CDC42BPB: variants seen among roughly 807,000 people sequenced by gnomAD.
CDC42BPB encodes the protein CDC42 binding protein kinase beta, also known as serine/threonine-protein kinase MRCK beta.
A neutral mutation model predicts 214.9 loss-of-function variants in CDC42BPB; 37 were observed. That is an observed-to-expected ratio of 0.17 (90% CI 0.13 to 0.23). The LOEUF is 0.23. Among genes scored for constraint, CDC42BPB ranks in the 10% least tolerant of loss-of-function variants. CDC42BPB has a pLI of 1.00. For missense variants in CDC42BPB, 1,694 were observed against 2,227.0 expected, an observed-to-expected ratio of 0.76 and a Z score of 4.82; for synonymous variants, 931 against 884.0, an observed-to-expected ratio of 1.05 and a Z score of -0.94.
At chr14:102,983,875 T>C in intron 6 of CDC42BPB, 119 bp from the exon 7 acceptor site, 4 of 1,459,326 alleles carry the variant, frequency 2.7e-6, no homozygotes, top group Non-Finnish European at 2.7e-6. Context: ...ATAAAACTGA[T>C]GAATGATCGT....
intron 16 of CDC42BPB, 23 bp downstream of exon 16, chr14:102,968,230 C>T (rs1432718028): frequency 1.9e-6 from 3 of 1,548,244 alleles, no homozygotes; most frequent in Non-Finnish European, 2.7e-6. Context: ...AAAGTGCTAA[C>T]TCAGGTACTT....
At chr14:102,968,783 C>A (rs1893339653) in intron 14 of CDC42BPB, 67 bp from the exon 15 acceptor site, 13 of 1,578,242 alleles carry the variant, frequency 8.2e-6, no homozygotes, top group Non-Finnish European at 1.1e-5. Context: ...GTCCTTTCAA[C>A]CCCTTTCATC....
At chr14:102,975,456 G>A (rs528291939) in intron 11 of CDC42BPB, among the ~76,000 whole-genome samples, 2 of 152,294 alleles carry the variant, frequency 1.3e-5, no homozygotes, top group East Asian at 3.9e-4. Flanking sequence ...CCAGGAGGTG[G>A]AGGTTTCAGT....
chr14:102,938,690 G>T (rs918455600), intron 34 of CDC42BPB: 1 of 389,190 alleles, frequency 2.6e-6, no homozygotes, highest in Non-Finnish European at 3.5e-6. Context: ...GTGCAATGAC[G>T]TGATCTCGGC....
At chr14:103,032,003 T>A (rs1176466599) in intron 1 of CDC42BPB, among the ~76,000 whole-genome samples, 1 of 150,892 alleles carries the variant, frequency 6.6e-6, no homozygotes, top group Non-Finnish European at 1.5e-5. Context: ...TTTTTTTTTT[T>A]AAGAAAAATG....
rs961070215 is a variant in CDC42BPB, at chr14:102,963,158, A to G, written c.2727-3T>C. 4.4e-5 allele frequency: 69 copies of G among 1,582,018 alleles called. No individual in the cohort carries two copies. Among genetic ancestry groups the G allele is most frequent in the Non-Finnish European group, 5.7e-5 (66 of 1,158,240 alleles). ...TGGCTTCGGAATCCTTTAGTTTGCT[A>G]AAATAAAAAATAAATGGCTTTAAGT... On this transcript the variant is annotated splice_region_variant and splice_polypyrimidine_tract_variant and intron_variant, in intron 19 of 36. Coordinates refer to ENST00000361246, the MANE Select transcript of CDC42BPB (RefSeq NM_006035.4).
intron 30 of CDC42BPB, among the ~76,000 whole-genome samples, chr14:102,942,412 G>A (rs765586799): frequency 4.6e-5 from 7 of 152,228 alleles, no homozygotes; most frequent in Admixed American, 6.5e-5. Context: ...GGTAACTGAG[G>A]GAGAATGTCA....
Position 103,057,153 on chromosome 14 carries a change from G to T in CDC42BPB, c.21C>A (p.Leu7=). 6.7e-7 allele frequency: 1 copy of T among 1,486,830 alleles called. No individual in the cohort carries two copies. The highest frequency in any genetic ancestry group is 1.3e-5 in the South Asian group (1 of 78,802). 92.1% of individuals were successfully genotyped at this position (1,486,830 alleles called of 1,614,324 possible). Residue 7 remains leucine (L), a synonymous_variant, in exon 1 of 37, where the codon CTC becomes CTA. Coordinates refer to ENST00000361246, the MANE Select transcript of CDC42BPB (RefSeq NM_006035.4). MSAKVR[L]KKLEQLLLDG... ...CCAGGAGCAGCTGCTCCAGCTTCTT[G>T]AGCCGCACCTTGGCCGACATGGTGC...
chr14:102,992,479 T>C (rs1040793647), intron 5 of CDC42BPB, among the ~76,000 whole-genome samples: 1 of 152,130 alleles, frequency 6.6e-6, no homozygotes, highest in African/African-American at 2.4e-5. Flanking sequence ...GGTGCTCCTC[T>C]CGTTACGGAA....
rs1893243341 is a variant in CDC42BPB, at chr14:102,967,082, G to A, written c.2435C>T (p.Ala812Val). 1 of 1,614,164 alleles carries A rather than the reference G, an allele frequency of 6.2e-7. No individual in the cohort carries two copies. The highest frequency in any genetic ancestry group is 1.7e-5 in the Admixed American group (1 of 60,022). Reference sequence around the variant, plus strand: ...TTCCGCAATCTGAGCTTCCCAGTGGGCCACTGACTCCTTCTTGGCTGCCAG... The same window carrying A: ...TTCCGCAATCTGAGCTTCCCAGTGGACCACTGACTCCTTCTTGGCTGCCAG... ...QDLAAKKESV[A>V]HWEAQIAEII... Residue 812 changes from alanine to valine, a missense_variant, in exon 17 of 37, where the codon GCC (alanine) becomes GTC (valine). Transcript: ENST00000361246.
At chr14:103,000,594 C>T (rs1227630947) in intron 4 of CDC42BPB, among the ~76,000 whole-genome samples, 3 of 152,258 alleles carry the variant, frequency 2.0e-5, no homozygotes, top group Non-Finnish European at 2.9e-5. Context: ...TCACAGGAGC[C>T]GCCTTCCTTG....
At chr14:102,974,295 C>G (rs1893634532) in intron 11 of CDC42BPB, 146 bp from the exon 12 acceptor site, 1 of 1,441,666 alleles carries the variant, frequency 6.9e-7, no homozygotes, top group African/African-American at 1.4e-5. Context: ...CACACACACA[C>G]ACACACACAC....
chr14:102,939,953 G>A lies in CDC42BPB; in HGVS notation c.4592-6C>T, dbSNP rs772986036. The A allele has an allele frequency of 2.4e-5, 38 of 1,613,776 alleles. No homozygotes were observed. Among genetic ancestry groups the A allele is most frequent in the Non-Finnish European group, 3.0e-5 (35 of 1,180,050 alleles). Reference sequence around the variant, plus strand: ...CGGCACGTTGAGAACCGCTCCTGCAGAAGCAGAGCGCGCGGTGACGGTGCT... The same window carrying A: ...CGGCACGTTGAGAACCGCTCCTGCAAAAGCAGAGCGCGCGGTGACGGTGCT... On this transcript the variant is annotated splice_polypyrimidine_tract_variant and splice_region_variant and intron_variant, in intron 32 of 36. Coordinates refer to ENST00000361246, the MANE Select transcript of CDC42BPB (RefSeq NM_006035.4).
At chr14:102,987,086 C>T (rs1342565021) in intron 5 of CDC42BPB, among the ~76,000 whole-genome samples, 2 of 152,244 alleles carry the variant, frequency 1.3e-5, no homozygotes, top group Admixed American at 6.5e-5. Flanking sequence ...GGCTGCCACA[C>T]AAAGAGACGG....
At chr14:102,994,867 G>T (rs944397062) in intron 5 of CDC42BPB, among the ~76,000 whole-genome samples, 1 of 152,206 alleles carries the variant, frequency 6.6e-6, no homozygotes, top group African/African-American at 2.4e-5. Flanking sequence ...TGCAAAACCA[G>T]CAGAGGTCTG....
At chr14:103,010,210 C>T (rs560948414) in intron 2 of CDC42BPB, among the ~76,000 whole-genome samples, 69 of 152,288 alleles carry the variant, frequency 4.5e-4, no homozygotes, top group African/African-American at 1.6e-3. Flanking sequence ...TCACCTGAGC[C>T]TGGGTGGTGG....
At position 102,944,602 on chromosome 14, in the gene CDC42BPB, C is replaced by T. The variant is rs758265597; in HGVS notation, c.3812-115G>A. On this transcript the variant is annotated intron_variant, in intron 29 of 36. Transcript: ENST00000361246. This position sits in a 1 kb window ranked among gnomAD's most constrained non-coding sequence, Gnocchi z 6.6. ...ACTCTGGGGCCCTCCCCTGGGCTCC[C>T]TTCCTGTGTGCACAGCCTGAGCCCG... The T allele has an allele frequency of 5.4e-6, 8 of 1,478,198 alleles. No homozygotes were observed. Among genetic ancestry groups the T allele is most frequent in the Middle Eastern group, 2.5e-4 (1 of 4,034 alleles). 91.6% of individuals were successfully genotyped at this position (1,478,198 alleles called of 1,614,324 possible).
At chr14:103,008,655 G>A in intron 2 of CDC42BPB, 100 bp from the exon 3 acceptor site, 1 of 1,525,234 alleles carries the variant, frequency 6.6e-7, no homozygotes, top group Non-Finnish European at 8.8e-7. Flanking sequence ...CCAGGAGCCT[G>A]TGAAACCAGC....
At chr14:103,005,980 T>C (rs996862121) in intron 3 of CDC42BPB, among the ~76,000 whole-genome samples, 2 of 146,912 alleles carry the variant, frequency 1.4e-5, no homozygotes, top group Non-Finnish European at 3.0e-5. Flanking sequence ...GATCGTGCCA[T>C]TGCACTCCAG....
Sources: allele counts gnomAD v4.1 joint callset (sites outside exome capture counted in the v4.1 genomes callset), GRCh38; gene constraint gnomAD v4.1.1; non-coding constraint Gnocchi (gnomAD v3.1); transcripts MANE v1.5; gene names NCBI Gene and HGNC (gene_info 2026-07-23, HGNC 2026-07-21).